The following LRRC37A2 variants were observed in gnomAD, a reference collection of about 807,000 sequenced individuals.
LRRC37A2 encodes the protein leucine rich repeat containing 37 member A2.
LRRC37A2 carries 9 observed loss-of-function variants against 68.8 expected under a neutral mutation model. That is an observed-to-expected ratio of 0.13 (90% CI 0.08 to 0.23). The LOEUF (loss-of-function observed/expected upper bound fraction) is 0.23. LRRC37A2 is among the 10% of genes least tolerant of loss of function. The pLI is 1.00. For missense variants in LRRC37A2, 168 were observed against 950.4 expected (o/e 0.18, Z 10.82); for synonymous variants, 63 against 367.6 (o/e 0.17, Z 9.48).
At chr17:46,552,777 A>G (rs1443855773) in intron 11 of LRRC37A2, 1 of 113,840 alleles carries the variant, frequency 8.8e-6, no homozygotes, top group African/African-American at 3.7e-5. Context: ...ATATGTATAC[A>G]TTTTATTAGT....
chr17:46,988,927 T>A, the LRRC37A2 span, among the ~76,000 whole-genome samples: 14 of 152,052 alleles, frequency 9.2e-5, no homozygotes, highest in Admixed American at 2.0e-4. Flanking sequence ...AACTAGATAA[T>A]GATAAACGGT....
the LRRC37A2 span, among the ~76,000 whole-genome samples, chr17:46,794,342 G>T: frequency 3.3e-5 from 5 of 152,156 alleles, no homozygotes; most frequent in Non-Finnish European, 5.9e-5. Flanking sequence ...GTGAAGAGGG[G>T]TCACCATCTA....
At chr17:46,819,833 C>T in the LRRC37A2 span, among the ~76,000 whole-genome samples, 1 of 152,224 alleles carries the variant, frequency 6.6e-6, no homozygotes, top group Admixed American at 6.5e-5. This position sits in a 1 kb window ranked among gnomAD's most constrained non-coding sequence, Gnocchi z 5.3. Flanking sequence ...TAGGTCTCAG[C>T]CCTGGGTGGT....
chr17:46,925,711 CTTA>C, the LRRC37A2 span, among the ~76,000 whole-genome samples: 7 of 152,124 alleles, frequency 4.6e-5, no homozygotes, highest in Non-Finnish European at 8.8e-5. Context: ...AGTAGCTGAA[CTTA>C]TTAATTTTAC....
the LRRC37A2 span, among the ~76,000 whole-genome samples, chr17:46,657,329 G>A: frequency 6.7e-6 from 1 of 150,320 alleles, no homozygotes; most frequent in Admixed American, 6.6e-5. Context: ...CACTAAGCAG[G>A]TACTCTGGAA....
the LRRC37A2 span, among the ~76,000 whole-genome samples, chr17:46,828,795 C>CAA: frequency 1.8e-5 from 2 of 110,544 alleles, no homozygotes; most frequent in East Asian, 2.6e-4. Flanking sequence ...CCTATCTCTA[C>CAA]AAAAAAAAAA....
the LRRC37A2 span, among the ~76,000 whole-genome samples, chr17:46,895,015 C>A: frequency 1.1e-4 from 17 of 152,318 alleles, no homozygotes; most frequent in South Asian, 3.3e-3. Context: ...ACTGGAGAGC[C>A]GGCCGGATCT....
the LRRC37A2 span, chr17:47,021,561 G>T: frequency 1.9e-4 from 91 of 473,286 alleles, no homozygotes; most frequent in African/African-American, 2.6e-3. Context: ...ACACATAAGT[G>T]CTTTTAGATA....
intron 3 of LRRC37A2, among the ~76,000 whole-genome samples, chr17:46,519,269 C>T (rs2144854439): frequency 2.0e-5 from 3 of 149,276 alleles, no homozygotes; most frequent in Middle Eastern, 6.9e-3. Context: ...CCCTCCATCA[C>T]ACCCAGCTAA....
At chr17:46,439,327 T>C in the LRRC37A2 span, among the ~76,000 whole-genome samples, 1 of 146,322 alleles carries the variant, frequency 6.8e-6, no homozygotes, top group East Asian at 2.0e-4. Context: ...CCTGAAAAAG[T>C]ACCATTAATA....
the LRRC37A2 span, among the ~76,000 whole-genome samples, chr17:46,718,750 C>T: frequency 6.6e-6 from 1 of 152,162 alleles, no homozygotes; most frequent in Non-Finnish European, 1.5e-5. Flanking sequence ...ATATTAATAG[C>T]TGCATTATAG....
At chr17:46,740,804 G>A in the LRRC37A2 span, among the ~76,000 whole-genome samples, 3 of 152,002 alleles carry the variant, frequency 2.0e-5, no homozygotes, top group Non-Finnish European at 4.4e-5. Context: ...TGGGATTACA[G>A]GCATGCACCA....
chr17:46,793,705 A>G, the LRRC37A2 span, among the ~76,000 whole-genome samples: 6 of 152,332 alleles, frequency 3.9e-5, no homozygotes, highest in East Asian at 1.2e-3. Flanking sequence ...AATGTGGGCA[A>G]GAGTTCCTGA....
the LRRC37A2 span, among the ~76,000 whole-genome samples, chr17:46,739,112 G>A: frequency 5.3e-5 from 8 of 150,848 alleles, no homozygotes; most frequent in South Asian, 6.3e-4. Flanking sequence ...GCTCACACCC[G>A]TAATCCCAGC....
the LRRC37A2 span, among the ~76,000 whole-genome samples, chr17:47,036,370 T>C: frequency 6.6e-6 from 1 of 152,020 alleles, no homozygotes; most frequent in African/African-American, 2.4e-5. Context: ...AAAATTGTTT[T>C]AAAAGAAAAA....
chr17:46,462,581 TA>T, the LRRC37A2 span, among the ~76,000 whole-genome samples: 2 of 81,746 alleles, frequency 2.4e-5, no homozygotes, highest in Non-Finnish European at 6.7e-5. Flanking sequence ...TATATTCATG[TA>T]AAAACAGACC....
the LRRC37A2 span, among the ~76,000 whole-genome samples, chr17:46,999,998 C>CAAAATAAAAT: frequency 1.4e-4 from 7 of 48,422 alleles, no homozygotes; most frequent in Non-Finnish European, 1.9e-4. Context: ...GACTCCATCT[C>CAAAATAAAAT]AAAATAAAAT....
chr17:47,040,339 T>C, the LRRC37A2 span, among the ~76,000 whole-genome samples: 3 of 151,476 alleles, frequency 2.0e-5, no homozygotes, highest in Non-Finnish European at 4.4e-5. Context: ...GGACAATTTC[T>C]GCTTATTTCT....
chr17:46,905,010 C>A, the LRRC37A2 span, among the ~76,000 whole-genome samples: 1 of 152,148 alleles, frequency 6.6e-6, no homozygotes, highest in Admixed American at 6.5e-5. Context: ...TCCGCTTGTT[C>A]CAAAGCCTCA....
Sources: gnomAD v4.1 joint callset for allele counts (sites outside exome capture counted in the v4.1 genomes callset) on GRCh38, gnomAD v4.1.1 for gene constraint, Gnocchi (gnomAD v3.1) non-coding constraint, MANE v1.5 for transcripts, NCBI Gene and HGNC (gene_info 2026-07-23, HGNC 2026-07-21) for gene names.